ZBED4: variants seen among roughly 807,000 people sequenced by gnomAD.
ZBED4 encodes zinc finger BED domain-containing protein 4.
Under a neutral mutation model 15.5 loss-of-function variants are expected in ZBED4, and 4 were observed. The observed-to-expected ratio is 0.26, with a 90% CI of 0.13 to 0.59. The LOEUF is 0.59. Among genes scored for constraint, ZBED4 ranks in the 20% least tolerant of loss-of-function variants. The pLI is 0.90. For missense variants in ZBED4, 1,323 were observed against 1,461.8 expected, an observed-to-expected ratio of 0.91 and a Z score of 1.55; for synonymous variants, 692 against 608.5, an observed-to-expected ratio of 1.14 and a Z score of -2.02.
chr22:49,879,070 G>C (rs2060393409), intron 1 of ZBED4, among the ~76,000 whole-genome samples: 1 of 150,864 alleles, frequency 6.6e-6, no homozygotes, highest in African/African-American at 2.4e-5. Flanking sequence ...ACTTGAACTG[G>C]GGAGGTGGAG....
At chr22:49,862,296 C>T (rs1239912959) in intron 1 of ZBED4, among the ~76,000 whole-genome samples, 1 of 152,184 alleles carries the variant, frequency 6.6e-6, no homozygotes, top group Admixed American at 6.5e-5. Flanking sequence ...TTTTGTGCGG[C>T]GGAGGCCTTA....
chr22:49,865,150 A>G (rs11091000), intron 1 of ZBED4, among the ~76,000 whole-genome samples: 140,155 of 152,056 alleles, frequency 0.92, 64,695 homozygotes, highest in African/African-American at 0.98. Flanking sequence ...AGATGGTATA[A>G]CCTGTCACTC....
At position 49,886,477 on chromosome 22, in the gene ZBED4, C is replaced by T; in HGVS notation, c.2815C>T (p.Pro939Ser). The T allele has an allele frequency of 6.4e-7, 1 of 1,570,152 alleles. No individual in the cohort carries two copies. Among genetic ancestry groups the T allele is most frequent in the Non-Finnish European group, 8.6e-7 (1 of 1,156,436 alleles). ...VMQSVCRALK[P>S]FEAASREMST... ...GCAGTCCGTGTGCCGTGCGCTAAAG[C>T]CCTTCGAGGCTGCGAGCCGGGAGAT... Residue 939 changes from proline to serine, a missense_variant, in exon 2 of 2, where the codon CCC becomes TCC. This residue lies in a region of ZBED4 where 312 missense variants were observed against 410.7 expected (regional missense o/e 0.76). Coordinates refer to ENST00000216268, the MANE Select transcript of ZBED4 (RefSeq NM_014838.3). This position sits in a 1 kb window ranked among gnomAD's most constrained non-coding sequence, Gnocchi z 7.7.
chr22:49,868,169 TC>T lies in ZBED4; in HGVS notation c.-330+14181del, dbSNP rs138715956. ...GTTAACGGAAAGACCTTGTCAGTCT[TC>T]TTTTTTGTTGTTGTTGATAACATCA... On this transcript the variant is annotated intron_variant, in intron 1 of 1. Coordinates refer to ENST00000216268, the MANE Select transcript of ZBED4 (RefSeq NM_014838.3). 3.6e-3 allele frequency among the ~76,000 whole-genome samples: 543 copies of T among 152,372 alleles called. 2 individuals are homozygous for T. The highest frequency in any genetic ancestry group is 0.012 in the African/African-American group (510 of 41,594).
intron 1 of ZBED4, among the ~76,000 whole-genome samples, chr22:49,864,197 T>C (rs944879958): frequency 4.6e-5 from 7 of 152,246 alleles, no homozygotes; most frequent in African/African-American, 1.7e-4. Flanking sequence ...ATGGGTGTGC[T>C]TTAATCTTAC....
intron 1 of ZBED4, among the ~76,000 whole-genome samples, chr22:49,866,283 C>T (rs1601787606): frequency 6.6e-6 from 1 of 152,234 alleles, no homozygotes; most frequent in East Asian, 1.9e-4. Flanking sequence ...GCCCTGTCCC[C>T]TCCTGTTTCT....
chr22:49,877,702 G>C (rs182579624), intron 1 of ZBED4, among the ~76,000 whole-genome samples: 37 of 152,240 alleles, frequency 2.4e-4, no homozygotes, highest in Non-Finnish European at 3.1e-4. Flanking sequence ...AACAGCTGCT[G>C]TGAACATTTG....
intron 1 of ZBED4, among the ~76,000 whole-genome samples, chr22:49,854,438 C>T (rs940813033): frequency 3.3e-5 from 5 of 152,182 alleles, no homozygotes; most frequent in Non-Finnish European, 1.5e-5. Context: ...CTGGGCCCTG[C>T]TTCATGTCTC....
At chr22:49,878,185 A>G (rs925474772) in intron 1 of ZBED4, among the ~76,000 whole-genome samples, 9 of 151,698 alleles carry the variant, frequency 5.9e-5, no homozygotes, top group African/African-American at 1.7e-4. Context: ...GGCACCTGTA[A>G]TTCCAGCTAC....
chr22:49,883,821 C>T lies in ZBED4; in HGVS notation c.159C>T (p.Asp53=), dbSNP rs143737944. Residue 53 remains aspartate (D), a synonymous_variant, in exon 2 of 2, where the codon GAC becomes GAT. Coordinates refer to ENST00000216268, the MANE Select transcript of ZBED4 (RefSeq NM_014838.3). ...KSEQEDMKQT[D]SGGERAGLGG... ...AGCAGGAGGACATGAAGCAGACAGA[C>T]AGCGGTGGGGAGCGAGCGGGCCTCG... The T allele has an allele frequency of 3.1e-6, 5 of 1,612,728 alleles. No homozygotes were observed. Among genetic ancestry groups the T allele is most frequent in the Non-Finnish European group, 4.2e-6 (5 of 1,178,832 alleles).
rs777514536 is a variant in ZBED4 at position 49,883,769 on chromosome 22, G to A, written c.107G>A (p.Ser36Asn). 2 of 1,613,282 alleles carry A rather than the reference G, an allele frequency of 1.2e-6. No homozygotes were observed. The highest frequency in any genetic ancestry group is 1.7e-5 in the Admixed American group (1 of 59,990). Reference sequence around the variant, plus strand: ...GATGATGATGGAATTCCTCCTGATAGTTTGGAAAGAATGGACTTTAAAAGC... The same window carrying A: ...GATGATGATGGAATTCCTCCTGATAATTTGGAAAGAATGGACTTTAAAAGC... ...EEDDDGIPPD[S>N]LERMDFKSEQ... The change falls in exon 2 of 2, where the codon AGT becomes AAT. Residue 36 changes from serine to asparagine, a missense_variant. By Grantham distance (46) the Ser-to-Asn change is conservative (BLOSUM62 1). Around this residue, in one of 6 missense-constraint regions of ZBED4, gnomAD observed 380 missense variants for 413.7 expected, o/e 0.92. Transcript: ENST00000216268.
rs2060435569 is a variant in ZBED4, at chr22:49,885,868, A to G, written c.2206A>G (p.Met736Val). 1.5e-6 allele frequency: 2 copies of G among 1,338,330 alleles called. No homozygotes were observed. The highest frequency in any genetic ancestry group is 4.6e-5 in the East Asian group (2 of 43,496). The allele number at this position is 1,338,330 out of a possible 1,614,324, so 82.9% of individuals were successfully genotyped here. Reference sequence around the variant, plus strand: ...GATCCACTTCACGTCTGGAATATGGATGAGTAACCAGACCCGTGAGTACCT... The same window carrying G: ...GATCCACTTCACGTCTGGAATATGGGTGAGTAACCAGACCCGTGAGTACCT... The part of the protein sequence containing the change: ...GVIHFTSGIW[M>V]SNQTREYLTL... Residue 736 changes from methionine to valine, a missense_variant, in exon 2 of 2, where the codon ATG (methionine) becomes GTG (valine). Met to Val is a conservative substitution (Grantham distance 21, BLOSUM62 1). Transcript: ENST00000216268.
upstream of ZBED4, chr22:49,853,277 T>TC (rs974276962): frequency 5.9e-5 from 9 of 152,504 alleles, no homozygotes; most frequent in Admixed American, 5.2e-4. Context: ...GCCGCCCTCC[T>TC]CCCGCCGACC....
intron 1 of ZBED4, among the ~76,000 whole-genome samples, chr22:49,880,641 C>A (rs2060404382): frequency 1.3e-5 from 2 of 152,240 alleles, no homozygotes; most frequent in Non-Finnish European, 2.9e-5. Context: ...TTGTTTTGTT[C>A]ATCATGGCTA....
chr22:49,865,971 C>T (rs1191942626), intron 1 of ZBED4, among the ~76,000 whole-genome samples: 10 of 151,906 alleles, frequency 6.6e-5, no homozygotes, highest in Admixed American at 2.6e-4. Flanking sequence ...CTCCACCTCC[C>T]GATGCTGATT....
intron 1 of ZBED4, among the ~76,000 whole-genome samples, chr22:49,878,017 T>C (rs1256876429): frequency 1.3e-5 from 2 of 152,176 alleles, no homozygotes; most frequent in Admixed American, 6.5e-5. Flanking sequence ...TAAGTCTTCA[T>C]ACAGAGGCCA....
intron 1 of ZBED4, among the ~76,000 whole-genome samples, chr22:49,878,723 C>T (rs1048066922): frequency 6.6e-6 from 1 of 152,104 alleles, no homozygotes; most frequent in African/African-American, 2.4e-5. Context: ...AAAGTAAAAA[C>T]TTATGCTCTT....
intron 1 of ZBED4, among the ~76,000 whole-genome samples, chr22:49,866,624 G>A (rs1015145365): frequency 4.6e-5 from 7 of 152,044 alleles, no homozygotes; most frequent in South Asian, 2.1e-4. Flanking sequence ...GGAAGTTACC[G>A]TTTTCATTTA....
chr22:49,857,527 T>C (rs1224769683), intron 1 of ZBED4, among the ~76,000 whole-genome samples: 4 of 152,252 alleles, frequency 2.6e-5, no homozygotes, highest in East Asian at 1.9e-4. Flanking sequence ...AGAGCAGCTC[T>C]GACTCCGGGT....
Sources: allele counts gnomAD v4.1 joint callset (sites outside exome capture counted in the v4.1 genomes callset), GRCh38; gene constraint gnomAD v4.1.1; regional missense constraint gnomAD v4.1.1; non-coding constraint Gnocchi (gnomAD v3.1); transcripts MANE v1.5; gene names NCBI Gene and HGNC (gene_info 2026-07-23, HGNC 2026-07-21).